Variants in SLC35A3 observed in about 807,000 individuals in gnomAD.
The protein encoded by SLC35A3 is UDP-N-acetylglucosamine transporter.
In SLC35A3, 26 loss-of-function variants were observed where a neutral mutation model predicts 39.0. The observed-to-expected ratio is 0.67, with a 90% CI of 0.49 to 0.92. The LOEUF (loss-of-function observed/expected upper bound fraction) is 0.92, where lower values mean the gene tolerates loss of function less well. Among genes scored for constraint, SLC35A3 ranks in the 40% least tolerant of loss-of-function variants. The pLI, the probability that SLC35A3 is intolerant of heterozygous loss-of-function variation, is 0.00. For missense variants in SLC35A3, 299 were observed against 371.6 expected, an observed-to-expected ratio of 0.80 and a Z score of 1.61; for synonymous variants, 135 against 133.1, an observed-to-expected ratio of 1.01 and a Z score of -0.10.
chr1:99,982,383 T>C (rs768389077), intron 1 of SLC35A3, among the ~76,000 whole-genome samples: 3 of 112,548 alleles, frequency 2.7e-5, no homozygotes, highest in Non-Finnish European at 5.9e-5. Context: ...AGATCTGTAA[T>C]GCAATTAATG....
rs1661160531 is a variant in SLC35A3, at chr1:100,030,427, G to C, written c.*7951G>C. 6.6e-6 allele frequency: 1 copy of C among 152,188 alleles called. No homozygotes were observed. The highest frequency in any genetic ancestry group is 1.5e-5 in the Non-Finnish European group (1 of 68,030). 9.4% of individuals were successfully genotyped at this position (152,188 alleles called of 1,614,324 possible). ...GCTGCATGCAGCCCAGGATGGCTTTGAATGTGGCTCAACACAAATTTGTAA... is the reference window on the plus strand; with the variant it reads ...GCTGCATGCAGCCCAGGATGGCTTTCAATGTGGCTCAACACAAATTTGTAA... On this transcript the variant is annotated 3_prime_UTR_variant, in exon 8 of 8. Transcript: ENST00000533028.
chr1:100,012,835 G>A (rs1031817037), intron 5 of SLC35A3, among the ~76,000 whole-genome samples: 1 of 152,142 alleles, frequency 6.6e-6, no homozygotes, highest in African/African-American at 2.4e-5. Flanking sequence ...CATTTAGAGG[G>A]CTGGTTAAAT....
At chr1:100,003,416 CAAAAAAAAAAAA>C (rs34020224) in intron 3 of SLC35A3, among the ~76,000 whole-genome samples, 11 of 57,178 alleles carry the variant, frequency 1.9e-4, no homozygotes, top group African/African-American at 5.4e-4. Flanking sequence ...AACTCCATCT[CAAAAAAAAAAAA>C]AAAAAAAAAA....
chr1:100,009,202 T>C (rs2101339399), intron 4 of SLC35A3: 1 of 152,216 alleles, frequency 6.6e-6, no homozygotes, highest in South Asian at 2.1e-4. Flanking sequence ...CTCAGAGAGG[T>C]TAATGAAATT....
intron 1 of SLC35A3, among the ~76,000 whole-genome samples, chr1:99,978,368 T>A (rs1196764581): frequency 5.9e-5 from 9 of 151,704 alleles, no homozygotes; most frequent in Admixed American, 5.3e-4. Flanking sequence ...TAAAAAAAAA[T>A]TTAAAAAATT....
At chr1:100,013,891 C>T (rs1487811627) in intron 5 of SLC35A3, among the ~76,000 whole-genome samples, 2 of 152,086 alleles carry the variant, frequency 1.3e-5, no homozygotes, top group African/African-American at 4.8e-5. Flanking sequence ...TTAGTTATAA[C>T]TTCATTTTTA....
Position 100,026,225 on chromosome 1 carries a change from T to G in SLC35A3, c.*3749T>G, listed in dbSNP as rs2101530241. ...CATTAAACTGAGTTGGGTTTTTTCT[T>G]AAAGGGTTTAGCATCACTCATTTGA... On this transcript the variant is annotated 3_prime_UTR_variant, in exon 8 of 8. Transcript: ENST00000533028. The G allele has an allele frequency of 6.6e-6, 1 of 152,302 alleles. No individual in the cohort carries two copies. 9.4% of individuals were successfully genotyped at this position (152,302 alleles called of 1,614,324 possible).
intron 3 of SLC35A3, among the ~76,000 whole-genome samples, chr1:100,004,614 T>A (rs575980697): frequency 3.3e-5 from 5 of 152,140 alleles, no homozygotes; most frequent in Non-Finnish European, 7.4e-5. Flanking sequence ...GCTGGTTTAG[T>A]GGTGATGAAT....
chr1:99,999,453 TTTTTC>T (rs760119620), intron 3 of SLC35A3, 38 bp downstream of exon 3: 77 of 1,404,754 alleles, frequency 5.5e-5, no homozygotes, highest in Non-Finnish European at 7.3e-5. Context: ...TAAAAAAACT[TTTTTC>T]TTATACATAA....
rs1174673347 is a variant in SLC35A3, at chr1:100,029,770, GA to G, written c.*7296del. On this transcript the variant is annotated 3_prime_UTR_variant, in exon 8 of 8. Coordinates refer to ENST00000533028, the MANE Select transcript of SLC35A3 (RefSeq NM_012243.3). ...TTATACATTGTCATTTTTAATTTTA[GA>G]ATATCTGTCAAATGATTCTGAACAT... The G allele has an allele frequency of 2.6e-5, 4 of 151,890 alleles. No homozygotes were observed. The highest frequency in any genetic ancestry group is 9.7e-5 in the African/African-American group (4 of 41,336). 9.4% of individuals were successfully genotyped at this position (151,890 alleles called of 1,614,324 possible).
At chr1:99,988,022 T>A (rs1399927880) in intron 1 of SLC35A3, among the ~76,000 whole-genome samples, 1 of 152,178 alleles carries the variant, frequency 6.6e-6, no homozygotes, top group African/African-American at 2.4e-5. Flanking sequence ...TACAATAAAA[T>A]GTACCCATTG....
intron 2 of SLC35A3, among the ~76,000 whole-genome samples, chr1:99,994,065 A>T (rs1658246640): frequency 6.6e-6 from 1 of 152,052 alleles, no homozygotes; most frequent in Non-Finnish European, 1.5e-5. Flanking sequence ...TAATGTAAAC[A>T]CCTTCTGTTT....
chr1:100,013,277 T>C (rs1024749729), intron 5 of SLC35A3, among the ~76,000 whole-genome samples: 3 of 150,724 alleles, frequency 2.0e-5, no homozygotes, highest in African/African-American at 7.3e-5. Flanking sequence ...ACCAGGAGTT[T>C]TGAGACCTGA....
chr1:99,972,528 G>T (rs575352225), intron 1 of SLC35A3, among the ~76,000 whole-genome samples: 5 of 151,468 alleles, frequency 3.3e-5, no homozygotes, highest in Admixed American at 1.3e-4. Flanking sequence ...TAGAGACGGG[G>T]GTTTCACCAT....
chr1:100,017,993 G>A, intron 7 of SLC35A3, 178 bp downstream of exon 7: 1 of 381,110 alleles, frequency 2.6e-6, no homozygotes. Context: ...CTCCTGAAAA[G>A]TTTCTTATAC....
intron 5 of SLC35A3, among the ~76,000 whole-genome samples, 196 bp downstream of exon 5, chr1:100,011,729 TA>T: frequency 9.0e-6 from 1 of 110,628 alleles, no homozygotes; most frequent in African/African-American, 3.0e-5. Context: ...TTTATTTATT[TA>T]TTTATTTTTG....
intron 1 of SLC35A3, among the ~76,000 whole-genome samples, chr1:99,989,244 C>T (rs1410441625): frequency 6.6e-6 from 1 of 152,004 alleles, no homozygotes; most frequent in Non-Finnish European, 1.5e-5. Context: ...CTATTAGTCA[C>T]TCATTTGTCT....
intron 5 of SLC35A3, 100 bp from the exon 6 acceptor site, chr1:100,015,202 A>C (rs1660012181): frequency 6.9e-6 from 8 of 1,154,860 alleles, no homozygotes; most frequent in Non-Finnish European, 9.2e-6. Context: ...TTTATCAAAA[A>C]GAAAAAGTTA....
chr1:100,033,912 TGTAGA>T lies in SLC35A3; in HGVS notation c.*11440_*11444del, dbSNP rs1310968815. Reference sequence around the variant, plus strand: ...AACTTTTGGCTGGATGAAGCTCTTCTGTAGAGTATTCAAGGAGGGCTTGTAAGTAC... The same window carrying T: ...AACTTTTGGCTGGATGAAGCTCTTCTGTATTCAAGGAGGGCTTGTAAGTAC... On this transcript the variant is annotated 3_prime_UTR_variant, in exon 8 of 8. Transcript: ENST00000533028. 1 of 152,234 alleles carries T rather than the reference TGTAGA, an allele frequency of 6.6e-6. No homozygotes were observed. Among genetic ancestry groups the T allele is most frequent in the African/African-American group, 2.4e-5 (1 of 41,460 alleles). The allele number at this position is 152,234 out of a possible 1,614,324, so 9.4% of individuals were successfully genotyped here. A position where few individuals can be genotyped will look rare whatever the true frequency, so the allele number is the denominator to read the frequency against.
Sources: allele counts gnomAD v4.1 joint callset (sites outside exome capture counted in the v4.1 genomes callset), GRCh38; gene constraint gnomAD v4.1.1; transcripts MANE v1.5; gene names NCBI Gene and HGNC (gene_info 2026-07-23, HGNC 2026-07-21).